LHX6: variants seen among roughly 807,000 people sequenced by gnomAD.
LHX6 encodes the protein LIM/homeobox protein Lhx6.
In LHX6, 15 loss-of-function variants were observed where a neutral mutation model predicts 47.1. The observed-to-expected ratio is 0.32, with a 90% CI of 0.21 to 0.49. The LOEUF (loss-of-function observed/expected upper bound fraction) is 0.49, where lower values mean the gene tolerates loss of function less well. Among genes scored for constraint, LHX6 ranks in the 20% least tolerant of loss-of-function variants. LHX6 has a pLI of 0.99. For synonymous variants in LHX6, 242 were observed against 233.5 expected, an observed-to-expected ratio of 1.04 and a Z score of -0.33; for missense variants, 404 against 539.6, an observed-to-expected ratio of 0.75 and a Z score of 2.49.
intron 9 of LHX6, among the ~76,000 whole-genome samples, chr9:122,207,359 C>T (rs1564431801): frequency 2.0e-5 from 3 of 152,184 alleles, no homozygotes; most frequent in South Asian, 2.1e-4. Flanking sequence ...ATTACTGAGC[C>T]GCGCAGACTT....
chr9:122,212,775 C>A (rs1472076857), intron 8 of LHX6, among the ~76,000 whole-genome samples: 1 of 152,312 alleles, frequency 6.6e-6, no homozygotes, highest in Non-Finnish European at 1.5e-5. Context: ...ACTTTATCAT[C>A]TCCACCATCT....
In LHX6 at chr9:122,213,194, A is replaced by G. The variant is rs906358510; in HGVS notation, c.1054+412T>C. On this transcript the variant is annotated intron_variant, in intron 8 of 9. Transcript: ENST00000394319. The surrounding 1 kb of genome is among the most constrained non-coding windows in gnomAD (Gnocchi z 5.5). ...TTCCCTTCCACCCCGCAGCATCTCC[A>G]GTCACTCCTACCCAGCACCTTTCCT... is the stretch of plus-strand genomic sequence containing the variant. 1.3e-5 allele frequency among the ~76,000 whole-genome samples: 2 copies of G among 151,788 alleles called. No individual in the cohort carries two copies. The highest frequency in any genetic ancestry group is 2.9e-5 in the Non-Finnish European group (2 of 67,948).
Position 122,213,589 on chromosome 9 carries a change from G to A in LHX6, c.1054+17C>T. The A allele has an allele frequency of 6.5e-7, 1 of 1,545,008 alleles. No homozygotes were observed. Among genetic ancestry groups the A allele is most frequent in the Middle Eastern group, 1.9e-4 (1 of 5,230 alleles). ...CTCCCCGCAGGCCCAGCGGCTCCCG[G>A]CGCTGCGGTTACTTACTCTCAATGT... On this transcript the variant is annotated intron_variant, in intron 8 of 9. Transcript: ENST00000394319. The surrounding 1 kb of genome is among the most constrained non-coding windows in gnomAD (Gnocchi z 5.5).
intron 8 of LHX6, among the ~76,000 whole-genome samples, chr9:122,212,703 G>A (rs945539087): frequency 8.5e-5 from 13 of 152,108 alleles, no homozygotes; most frequent in Admixed American, 2.0e-4. Flanking sequence ...ACCATGACCC[G>A]CTTGCCCCTG....
At chr9:122,210,824 A>G (rs1001244874) in intron 8 of LHX6, among the ~76,000 whole-genome samples, 1 of 152,128 alleles carries the variant, frequency 6.6e-6, no homozygotes, top group African/African-American at 2.4e-5. Flanking sequence ...CGGCCTCCCA[A>G]AGTGCTGGGA....
intron 9 of LHX6, among the ~76,000 whole-genome samples, chr9:122,208,332 G>A (rs1830264482): frequency 6.6e-6 from 1 of 151,814 alleles, no homozygotes; most frequent in Non-Finnish European, 1.5e-5. Context: ...TCTCTCCTTT[G>A]CCCCCTTCCC....
Position 122,214,136 on chromosome 9 carries a change from G to A in LHX6, c.784-67C>T. On this transcript the variant is annotated intron_variant, in intron 6 of 9. Coordinates refer to ENST00000394319, the MANE Select transcript of LHX6 (RefSeq NM_014368.5). This position sits in a 1 kb window ranked among gnomAD's most constrained non-coding sequence, Gnocchi z 4.6. Reference sequence around the variant, plus strand: ...CTCCGAGACCCCGGCCCAATCAGCGGCGCCAGTCCACAGGCCACGCCCCAG... The same window carrying A: ...CTCCGAGACCCCGGCCCAATCAGCGACGCCAGTCCACAGGCCACGCCCCAG... 6.7e-7 allele frequency: 1 copy of A among 1,492,776 alleles called. No individual in the cohort carries two copies. Among genetic ancestry groups the A allele is most frequent in the South Asian group, 1.2e-5 (1 of 84,688 alleles). 92.5% of individuals were successfully genotyped at this position (1,492,776 alleles called of 1,614,324 possible).
Position 122,213,598 on chromosome 9 carries a change from T to C in LHX6, c.1054+8A>G. The C allele has an allele frequency of 6.4e-7, 1 of 1,560,686 alleles. No homozygotes were observed. The highest frequency in any genetic ancestry group is 8.7e-7 in the Non-Finnish European group (1 of 1,154,642). On this transcript the variant is annotated splice_region_variant and intron_variant, in intron 8 of 9. Coordinates refer to ENST00000394319, the MANE Select transcript of LHX6 (RefSeq NM_014368.5). The surrounding 1 kb of genome is among the most constrained non-coding windows in gnomAD (Gnocchi z 5.5). ...GGCCCAGCGGCTCCCGGCGCTGCGG[T>C]TACTTACTCTCAATGTAGCCGTGCA...
rs772959153 is a variant in LHX6 at position 122,214,099 on chromosome 9, C to A, written c.784-30G>T. The A allele has an allele frequency of 1.9e-6, 3 of 1,577,484 alleles. No homozygotes were observed. Among genetic ancestry groups the A allele is most frequent in the Non-Finnish European group, 2.6e-6 (3 of 1,164,066 alleles). On this transcript the variant is annotated intron_variant, in intron 6 of 9. Transcript: ENST00000394319. The surrounding 1 kb of genome is among the most constrained non-coding windows in gnomAD (Gnocchi z 4.6). The stretch of plus-strand genomic sequence containing the variant: ...GGGGCGGGGAGGGCGGTGAGGCGCT[C>A]GCACGCAGAGACTCCGAGACCCCGG...
At position 122,213,956 on chromosome 9, in the gene LHX6, C is replaced by CCCCCCCCCCCCG; in HGVS notation, c.879+17_879+18insCGGGGGGGGGGG. 1 of 1,519,542 alleles carries CCCCCCCCCCCCG rather than the reference C, an allele frequency of 6.6e-7. No individual in the cohort carries two copies. The highest frequency in any genetic ancestry group is 9.0e-7 in the Non-Finnish European group (1 of 1,107,318). The allele number at this position is 1,519,542 out of a possible 1,614,324, so 94.1% of individuals were successfully genotyped here. A position where few individuals can be genotyped will look rare whatever the true frequency, so the allele number is the denominator to read the frequency against. ...GGGCGTGCCCGCGGTCCCCAGGCCC[C>CCCCCCCCCCCCG]GCCCACCCCCGTCCCACCTGGATGA... is the stretch of plus-strand genomic sequence containing the variant. On this transcript the variant is annotated intron_variant, in intron 7 of 9. Transcript: ENST00000394319. This position sits in a 1 kb window ranked among gnomAD's most constrained non-coding sequence, Gnocchi z 5.5.
chr9:122,219,559 C>A (rs954411345), intron 4 of LHX6, among the ~76,000 whole-genome samples: 1 of 152,174 alleles, frequency 6.6e-6, no homozygotes. Flanking sequence ...GGCTGGCTTC[C>A]GATTATTTGT....
rs187412488 is a variant in LHX6, at chr9:122,214,998, C to A, written c.683-615G>T. On this transcript the variant is annotated intron_variant, in intron 5 of 9. Transcript: ENST00000394319. This position sits in a 1 kb window ranked among gnomAD's most constrained non-coding sequence, Gnocchi z 4.6. ...TGTAAGGTTTAATTTTGTTAACCGGCGTATATGTTAGATATTCTCTTTCCA... is the reference window on the plus strand; with the variant it reads ...TGTAAGGTTTAATTTTGTTAACCGGAGTATATGTTAGATATTCTCTTTCCA... Among the ~76,000 whole-genome samples the A allele has an allele frequency of 1.7e-3, 260 of 152,256 alleles. 1 individual carries two copies. Among genetic ancestry groups the A allele is most frequent in the African/African-American group, 5.7e-3 (238 of 41,546 alleles).
At chr9:122,216,253 C>T (rs1004160668) in intron 5 of LHX6, among the ~76,000 whole-genome samples, 2 of 152,192 alleles carry the variant, frequency 1.3e-5, no homozygotes, top group African/African-American at 4.8e-5. Flanking sequence ...CAGACCCTAA[C>T]AGGGAAATTA....
chr9:122,216,118 T>G (rs1041196124), intron 5 of LHX6, among the ~76,000 whole-genome samples: 1 of 152,172 alleles, frequency 6.6e-6, no homozygotes, highest in Non-Finnish European at 1.5e-5. Flanking sequence ...GCAAATCTAC[T>G]AGTATGTAAT....
At position 122,228,692 on chromosome 9, in the gene LHX6, G is replaced by T. The variant is rs1831215702; in HGVS notation, c.49C>A (p.Arg17=). ...GCGGGGCCGCCCTCGGCCGGCAGCC[G>T]GCAGCCCTCGGGCAACGCCGGGGCG... ...NAAPALPEGC[R]LPAEGGPATD... Residue 17 remains arginine, a synonymous_variant, in exon 1 of 10, where the codon CGG becomes AGG. Coordinates refer to ENST00000394319, the MANE Select transcript of LHX6 (RefSeq NM_014368.5). 2 of 1,291,906 alleles carry T rather than the reference G, an allele frequency of 1.5e-6. No homozygotes were observed. The highest frequency in any genetic ancestry group is 2.0e-6 in the Non-Finnish European group (2 of 1,020,246). The allele number at this position is 1,291,906 out of a possible 1,614,324, so 80.0% of individuals were successfully genotyped here. A position where few individuals can be genotyped will look rare whatever the true frequency, so the allele number is the denominator to read the frequency against.
chr9:122,227,558 C>G (rs866091673), intron 1 of LHX6, 78 bp from the exon 2 acceptor site: 7 of 1,442,658 alleles, frequency 4.9e-6, no homozygotes, highest in Non-Finnish European at 6.3e-6. Flanking sequence ...AGCGCCTCCC[C>G]GCGCCTGTTA....
chr9:122,205,597 A>C (rs985871516), intron 9 of LHX6, among the ~76,000 whole-genome samples: 1 of 152,146 alleles, frequency 6.6e-6, no homozygotes, highest in Non-Finnish European at 1.5e-5. Flanking sequence ...GCATGACTAC[A>C]TGGCTGTTCC....
Position 122,217,243 on chromosome 9 carries a change from G to A in LHX6, c.507C>T (p.Ala169=). 1 of 1,613,932 alleles carries A rather than the reference G, an allele frequency of 6.2e-7. No homozygotes were observed. The highest frequency in any genetic ancestry group is 8.5e-7 in the Non-Finnish European group (1 of 1,180,012). Residue 169 remains alanine (A), a synonymous_variant, in exon 5 of 10, where the codon GCC becomes GCT. Transcript: ENST00000394319. The surrounding 1 kb of genome is among the most constrained non-coding windows in gnomAD (Gnocchi z 4.9). ...KCARCGRQIY[A]SDWVRRARGN... ...CGCGAGCTCTCCGCACCCAGTCGCT[G>A]GCGTAGATCTGTCGGCCGCACCGGG...
chr9:122,206,647 C>T (rs1020545170), intron 9 of LHX6, among the ~76,000 whole-genome samples: 4 of 152,138 alleles, frequency 2.6e-5, no homozygotes, highest in African/African-American at 9.7e-5. Context: ...ATCCCCCAGG[C>T]TGAATGAGAC....
Sources: gnomAD v4.1 joint callset for allele counts (sites outside exome capture counted in the v4.1 genomes callset) on GRCh38, gnomAD v4.1.1 for gene constraint, Gnocchi (gnomAD v3.1) non-coding constraint, MANE v1.5 for transcripts, NCBI Gene and HGNC (gene_info 2026-07-23, HGNC 2026-07-21) for gene names.